TBC1D22B: variants seen among roughly 807,000 people sequenced by gnomAD.
The protein encoded by TBC1D22B is chromosome 6 open reading frame 197.
In TBC1D22B, 32 loss-of-function variants were observed where a neutral mutation model predicts 69.1. The ratio of observed to expected loss-of-function variants is 0.46; its 90% CI spans 0.35 to 0.62. TBC1D22B has a LOEUF of 0.62. TBC1D22B is among the 20% of genes least tolerant of loss of function. TBC1D22B has a pLI of 0.00. For missense variants in TBC1D22B, 462 were observed against 630.9 expected (o/e 0.73, Z 2.87); for synonymous variants, 206 against 229.8 (o/e 0.90, Z 0.94).
chr6:37,258,512 C>T (rs554246872), intron 1 of TBC1D22B, among the ~76,000 whole-genome samples: 6 of 152,242 alleles, frequency 3.9e-5, no homozygotes, highest in East Asian at 3.9e-4. Flanking sequence ...TGAGTTGGCC[C>T]TTTCCCACTA....
chr6:37,298,132 A>G (rs1292121723), intron 8 of TBC1D22B, among the ~76,000 whole-genome samples: 1 of 152,174 alleles, frequency 6.6e-6, no homozygotes, highest in Non-Finnish European at 1.5e-5. Context: ...CCACCATGGC[A>G]TGTGTATACC....
At chr6:37,268,444 G>A (rs540158644) in intron 1 of TBC1D22B, among the ~76,000 whole-genome samples, 117 of 152,248 alleles carry the variant, frequency 7.7e-4, no homozygotes, top group African/African-American at 2.4e-3. Context: ...GCCCAGGCTG[G>A]TTTCGAACTC....
At chr6:37,271,753 C>T (rs1027699685) in intron 2 of TBC1D22B, among the ~76,000 whole-genome samples, 20 of 152,042 alleles carry the variant, frequency 1.3e-4, no homozygotes, top group African/African-American at 4.8e-4. Context: ...TATAATTCTA[C>T]CAACTTGTTC....
At chr6:37,288,123 A>C (rs1767063146) in intron 7 of TBC1D22B, among the ~76,000 whole-genome samples, 1 of 152,126 alleles carries the variant, frequency 6.6e-6, no homozygotes, top group Admixed American at 6.5e-5. Context: ...AATAATTTCT[A>C]TTTGACTTTG....
chr6:37,310,140 G>GTATATCTATATAGATATACTTACATATA (rs1398537742), intron 8 of TBC1D22B, among the ~76,000 whole-genome samples: 1 of 143,768 alleles, frequency 7.0e-6, no homozygotes, highest in Non-Finnish European at 1.5e-5. Flanking sequence ...ATATATGTAA[G>GTATATCTATATAGATATACTTACATATA]TATATCTATA....
chr6:37,268,853 T>C (rs1766389575), intron 1 of TBC1D22B, among the ~76,000 whole-genome samples: 1 of 152,234 alleles, frequency 6.6e-6, no homozygotes, highest in African/African-American at 2.4e-5. Flanking sequence ...CCATCCACAT[T>C]GTTACTTGAA....
chr6:37,308,933 ATCCTGTCTC>A, intron 8 of TBC1D22B, among the ~76,000 whole-genome samples: 1 of 106,370 alleles, frequency 9.4e-6, no homozygotes. Flanking sequence ...ATATAGTAAG[ATCCTGTCTC>A]TTAAAAAAAA....
intron 10 of TBC1D22B, 39 bp from the exon 11 acceptor site, chr6:37,316,664 G>T (rs1416247324): frequency 1.2e-6 from 2 of 1,612,710 alleles, no homozygotes; most frequent in African/African-American, 1.3e-5. Context: ...TCAGGGTCCA[G>T]TCCCCTAGGT....
At chr6:37,300,629 C>G (rs1026959141) in intron 8 of TBC1D22B, among the ~76,000 whole-genome samples, 8 of 151,956 alleles carry the variant, frequency 5.3e-5, no homozygotes. Context: ...CCCAAAACAC[C>G]GGGATTACAG....
chr6:37,327,217 G>A lies in TBC1D22B; in HGVS notation c.1390-3827G>A, dbSNP rs552243896. 3.4e-4 allele frequency among the ~76,000 whole-genome samples: 32 copies of A among 94,972 alleles called. 3 individuals carry two copies. The highest frequency in any genetic ancestry group is 1.3e-3 in the African/African-American group (23 of 17,376). 62.3% of individuals were successfully genotyped at this position (94,972 alleles called of 152,430 possible). ...GATAGGGCCGGGCGCGGTGGCTCGC[G>A]CCTGTAATCCCAGCACTTTGGGAGG... On this transcript the variant is annotated intron_variant, in intron 12 of 12. Transcript: ENST00000373491.
chr6:37,299,263 A>G (rs1357694379), intron 8 of TBC1D22B, among the ~76,000 whole-genome samples: 2 of 152,066 alleles, frequency 1.3e-5, no homozygotes, highest in Non-Finnish European at 2.9e-5. Context: ...TGGATTATTG[A>G]CCTGTCTTGT....
chr6:37,324,182 A>G (rs1768329188), intron 12 of TBC1D22B: 1 of 415,104 alleles, frequency 2.4e-6, no homozygotes, highest in East Asian at 7.2e-5. Flanking sequence ...GTGATTCTAG[A>G]TACAGTATCT....
At chr6:37,271,963 G>A (rs1210841051) in intron 2 of TBC1D22B, among the ~76,000 whole-genome samples, 2 of 151,642 alleles carry the variant, frequency 1.3e-5, no homozygotes, top group African/African-American at 2.4e-5. Context: ...CATGTGGCAC[G>A]TAGTAGGCAG....
At chr6:37,328,500 A>G (rs1768494018) in intron 12 of TBC1D22B, among the ~76,000 whole-genome samples, 2 of 152,246 alleles carry the variant, frequency 1.3e-5, no homozygotes, top group South Asian at 4.1e-4. Context: ...ATTCTGGTAC[A>G]TCTTACATCA....
intron 8 of TBC1D22B, among the ~76,000 whole-genome samples, chr6:37,292,829 C>T (rs1044835583): frequency 1.3e-5 from 2 of 152,180 alleles, no homozygotes; most frequent in African/African-American, 4.8e-5. Context: ...CATCCCATTA[C>T]TACCTCAACC....
At chr6:37,277,964 T>G (rs1394728294) in intron 2 of TBC1D22B, among the ~76,000 whole-genome samples, 3 of 146,590 alleles carry the variant, frequency 2.0e-5, no homozygotes, top group African/African-American at 7.8e-5. Context: ...CCCTTATCTC[T>G]CAAAAAAAAA....
intron 10 of TBC1D22B, among the ~76,000 whole-genome samples, chr6:37,314,942 A>AT (rs1204222624): frequency 1.3e-5 from 2 of 151,792 alleles, no homozygotes; most frequent in African/African-American, 2.4e-5. Context: ...CACATGTGGA[A>AT]TTTTTTTTCC....
Position 37,314,249 on chromosome 6 carries a change from C to T in TBC1D22B, c.1165+358C>T, listed in dbSNP as rs115305107. ...CTCTTCTCTTCCAAACTATCTGTCA[C>T]GCAATTGCATCTTTCTGCAGCTCTG... On this transcript the variant is annotated intron_variant, in intron 10 of 12. Coordinates refer to ENST00000373491, the MANE Select transcript of TBC1D22B (RefSeq NM_017772.4). Among the ~76,000 whole-genome samples, 1,028 of 152,308 alleles carry T rather than the reference C, an allele frequency of 6.7e-3. 12 individuals carry two copies. The highest frequency in any genetic ancestry group is 0.022 in the African/African-American group (913 of 41,570).
intron 8 of TBC1D22B, among the ~76,000 whole-genome samples, chr6:37,307,014 C>T (rs1426010268): frequency 6.6e-6 from 1 of 152,210 alleles, no homozygotes; most frequent in African/African-American, 2.4e-5. Context: ...CTGTCTTTGT[C>T]AGGTGGTTTG....
Sources: gnomAD v4.1 joint callset for allele counts (sites outside exome capture counted in the v4.1 genomes callset) on GRCh38, gnomAD v4.1.1 for gene constraint, MANE v1.5 for transcripts, NCBI Gene and HGNC (gene_info 2026-07-23, HGNC 2026-07-21) for gene names.